Variants in GALNT18 observed in about 807,000 individuals in gnomAD.
GALNT18 encodes the protein polypeptide N-acetylgalactosaminyltransferase 18.
Under a neutral mutation model 69.5 loss-of-function variants are expected in GALNT18, and 44 were observed. That is an observed-to-expected ratio of 0.63 (90% CI 0.50 to 0.81). The LOEUF (loss-of-function observed/expected upper bound fraction) is 0.81, where lower values mean the gene tolerates loss of function less well. Among genes scored for constraint, GALNT18 ranks in the 40% least tolerant of loss-of-function variants. The pLI, the probability that GALNT18 is intolerant of heterozygous loss-of-function variation, is 0.00. For missense variants in GALNT18, 715 were observed against 810.0 expected, an observed-to-expected ratio of 0.88 and a Z score of 1.42; for synonymous variants, 364 against 318.2, an observed-to-expected ratio of 1.14 and a Z score of -1.53.
chr11:11,620,010 A>G lies in GALNT18; in HGVS notation c.235+1349T>C, dbSNP rs1228641576. Reference sequence around the variant, plus strand: ...CTGAACCTTCCCCTCCTGGAAAGGAACTATTCTGGACACCTGGGGAAACAC... The same window carrying G: ...CTGAACCTTCCCCTCCTGGAAAGGAGCTATTCTGGACACCTGGGGAAACAC... On this transcript the variant is annotated intron_variant, in intron 1 of 10. Transcript: ENST00000227756. This position sits in a 1 kb window ranked among gnomAD's most constrained non-coding sequence, Gnocchi z 6.9. Among the ~76,000 whole-genome samples, 1 of 152,120 alleles carries G rather than the reference A, an allele frequency of 6.6e-6. No homozygotes were observed. The highest frequency in any genetic ancestry group is 1.5e-5 in the Non-Finnish European group (1 of 68,022).
intron 3 of GALNT18, among the ~76,000 whole-genome samples, chr11:11,416,926 G>T (rs1347476755): frequency 6.6e-6 from 1 of 152,222 alleles, no homozygotes; most frequent in Non-Finnish European, 1.5e-5. Flanking sequence ...CCTGGGCAGA[G>T]TCCTGCTGAG....
rs1848815843 is a variant in GALNT18, at chr11:11,271,067, C to G, written c.*77G>C. On this transcript the variant is annotated 3_prime_UTR_variant, in exon 11 of 11. Coordinates refer to ENST00000227756, the MANE Select transcript of GALNT18 (RefSeq NM_198516.3). ...ACCTGGTTCCCCAGACTCCAAACAA[C>G]CCCACGTGGACAGCAGGCAACGTTG... 7.1e-7 allele frequency: 1 copy of G among 1,408,772 alleles called. No homozygotes were observed. The highest frequency in any genetic ancestry group is 1.4e-5 in the African/African-American group (1 of 71,002). The allele number at this position is 1,408,772 out of a possible 1,614,324, so 87.3% of individuals were successfully genotyped here. A position where few individuals can be genotyped will look rare whatever the true frequency, so the allele number is the denominator to read the frequency against.
rs999488062 is a variant in GALNT18 at position 11,338,004 on chromosome 11, C to T, written c.1278+2815G>A. 2.5e-4 allele frequency among the ~76,000 whole-genome samples: 37 copies of T among 147,672 alleles called. No homozygotes were observed. The highest frequency in any genetic ancestry group is 7.9e-4 in the African/African-American group (31 of 39,418). ...TTTTTGAGACAGTCTCGCTCTGTCA[C>T]CCAGGCTGGAGTGAGTGCAGTGGCA... On this transcript the variant is annotated intron_variant, in intron 7 of 10. Transcript: ENST00000227756. The surrounding 1 kb of genome is among the most constrained non-coding windows in gnomAD (Gnocchi z 5.3).
At chr11:11,557,981 A>C (rs1416729737) in intron 1 of GALNT18, among the ~76,000 whole-genome samples, 2 of 152,202 alleles carry the variant, frequency 1.3e-5, no homozygotes, top group African/African-American at 2.4e-5. Context: ...AATGTCCCCA[A>C]AGTGGAACTG....
intron 10 of GALNT18, among the ~76,000 whole-genome samples, chr11:11,272,118 C>T (rs1564872387): frequency 1.3e-5 from 2 of 152,158 alleles, no homozygotes; most frequent in African/African-American, 4.8e-5. Flanking sequence ...AATTGGACCC[C>T]TTGTAGCTTA....
chr11:11,519,680 T>C (rs1383760412), intron 1 of GALNT18, among the ~76,000 whole-genome samples: 4 of 152,180 alleles, frequency 2.6e-5, no homozygotes, highest in Non-Finnish European at 4.4e-5. Context: ...GTCCCACTGC[T>C]GCCACCACCT....
rs1860117634 is a variant in GALNT18, at chr11:11,618,694, C to G, written c.235+2665G>C. ...CCTGGACAAATCATATACCCTCTCC[C>G]TGCCTCAGTTTCCATATCTGTAAAA... On this transcript the variant is annotated intron_variant, in intron 1 of 10. Transcript: ENST00000227756. The surrounding 1 kb of genome is among the most constrained non-coding windows in gnomAD (Gnocchi z 6.1). Among the ~76,000 whole-genome samples, 1 of 152,238 alleles carries G rather than the reference C, an allele frequency of 6.6e-6. No homozygotes were observed. The highest frequency in any genetic ancestry group is 2.4e-5 in the African/African-American group (1 of 41,460).
At chr11:11,301,378 G>A (rs1244233108) in intron 9 of GALNT18, among the ~76,000 whole-genome samples, 2 of 152,194 alleles carry the variant, frequency 1.3e-5, no homozygotes, top group African/African-American at 4.8e-5. Flanking sequence ...TGATTTAAGG[G>A]TTTGGTTATT....
At chr11:11,408,238 C>T (rs1854637312) in intron 3 of GALNT18, among the ~76,000 whole-genome samples, 1 of 151,672 alleles carries the variant, frequency 6.6e-6, no homozygotes, top group Non-Finnish European at 1.5e-5. Context: ...TGGGGTCGGG[C>T]GCCTGTACAA....
At chr11:11,327,436 C>A (rs1023714254) in intron 8 of GALNT18, among the ~76,000 whole-genome samples, 1 of 152,246 alleles carries the variant, frequency 6.6e-6, no homozygotes. Flanking sequence ...GATGTGCATG[C>A]GTGTGCACAC....
chr11:11,468,985 G>A (rs1856215425), intron 1 of GALNT18, among the ~76,000 whole-genome samples: 3 of 152,186 alleles, frequency 2.0e-5, no homozygotes, highest in African/African-American at 7.2e-5. Context: ...CTGGACAGAT[G>A]GACAGTCCTA....
chr11:11,282,022 C>T (rs534139568), intron 10 of GALNT18, among the ~76,000 whole-genome samples: 5 of 152,232 alleles, frequency 3.3e-5, no homozygotes, highest in African/African-American at 1.2e-4. Context: ...ACAGAGGGAC[C>T]AGGCCACCCT....
intron 6 of GALNT18, among the ~76,000 whole-genome samples, chr11:11,361,134 A>T (rs1272578690): frequency 6.6e-6 from 1 of 152,216 alleles, no homozygotes; most frequent in Non-Finnish European, 1.5e-5. Context: ...ATTTCCCAGC[A>T]GGGGGAAAGT....
chr11:11,479,522 C>G (rs1329496709), intron 1 of GALNT18, among the ~76,000 whole-genome samples: 1 of 152,108 alleles, frequency 6.6e-6, no homozygotes, highest in Non-Finnish European at 1.5e-5. Context: ...TAGTGCTTCC[C>G]AGATCTGGGA....
At chr11:11,370,198 T>C (rs888585567) in intron 6 of GALNT18, among the ~76,000 whole-genome samples, 1 of 152,242 alleles carries the variant, frequency 6.6e-6, no homozygotes, top group Non-Finnish European at 1.5e-5. Context: ...CAACTTTCTT[T>C]CTGTGTTCCA....
At chr11:11,495,683 GC>G (rs1856855025) in intron 1 of GALNT18, among the ~76,000 whole-genome samples, 1 of 152,190 alleles carries the variant, frequency 6.6e-6, no homozygotes, top group Non-Finnish European at 1.5e-5. Context: ...AAGCACCAAA[GC>G]AAAAATTACA....
intron 6 of GALNT18, among the ~76,000 whole-genome samples, chr11:11,361,145 G>A (rs1850636534): frequency 6.6e-6 from 1 of 152,202 alleles, no homozygotes; most frequent in South Asian, 2.1e-4. Context: ...GGGGGAAAGT[G>A]AATGTTTGAA....
At chr11:11,394,108 T>C (rs1854262790) in intron 3 of GALNT18, among the ~76,000 whole-genome samples, 1 of 152,182 alleles carries the variant, frequency 6.6e-6, no homozygotes, top group Non-Finnish European at 1.5e-5. Flanking sequence ...GTTCTAAAAG[T>C]GGTTGTCACA....
At chr11:11,312,026 G>A (rs1040277897) in intron 9 of GALNT18, among the ~76,000 whole-genome samples, 1 of 152,128 alleles carries the variant, frequency 6.6e-6, no homozygotes, top group Non-Finnish European at 1.5e-5. Context: ...GCGCAATCTC[G>A]GCTCACTGCA....
Sources: allele counts gnomAD v4.1 joint callset (sites outside exome capture counted in the v4.1 genomes callset), GRCh38; gene constraint gnomAD v4.1.1; non-coding constraint Gnocchi (gnomAD v3.1); transcripts MANE v1.5; gene names NCBI Gene and HGNC (gene_info 2026-07-23, HGNC 2026-07-21).